The following STK33 variants were observed in gnomAD, a reference collection of about 807,000 sequenced individuals.
The protein encoded by STK33 is serine/threonine kinase 33.
In STK33, 52 loss-of-function variants were observed where a neutral mutation model predicts 58.0. The observed-to-expected ratio is 0.90, with a 90% CI of 0.72 to 1.13. The LOEUF is 1.13. Ranked by LOEUF, STK33 falls within the 50% of genes most tolerant of loss-of-function variation. The probability of loss-of-function intolerance (pLI) is 0.00; values close to 1 mark genes in which losing one functional copy is unlikely to be tolerated. For missense variants in STK33, 630 were observed against 604.2 expected (o/e 1.04, Z -0.45); for synonymous variants, 215 against 200.1 (o/e 1.07, Z -0.63).
intron 11 of STK33, among the ~76,000 whole-genome samples, chr11:8,444,370 A>G (rs1387971946): frequency 6.6e-6 from 1 of 152,172 alleles, no homozygotes; most frequent in Non-Finnish European, 1.5e-5. Flanking sequence ...ACTTTGCTCT[A>G]AAACATCAGA....
Position 8,392,465 on chromosome 11 carries a change from A to T in STK33, c.*45T>A. ...CTCCTACCCCCTCATCAAAGTGCTA[A>T]CAAGAGCAGCTTTGTTTTTGTACTG... On this transcript the variant is annotated 3_prime_UTR_variant, in exon 16 of 16. Coordinates refer to ENST00000687296, the MANE Select transcript of STK33 (RefSeq NM_001352389.2). The T allele has an allele frequency of 1.2e-6, 2 of 1,608,990 alleles. No individual in the cohort carries two copies. Among genetic ancestry groups the T allele is most frequent in the Non-Finnish European group, 1.7e-6 (2 of 1,177,094 alleles).
At chr11:8,531,896 T>A (rs1022387046) in intron 1 of STK33, among the ~76,000 whole-genome samples, 1 of 152,162 alleles carries the variant, frequency 6.6e-6, no homozygotes, top group Admixed American at 6.5e-5. Flanking sequence ...TCTAGCAAAA[T>A]GTAAATTCCC....
chr11:8,367,788 G>T, the STK33 span, among the ~76,000 whole-genome samples: 1 of 152,080 alleles, frequency 6.6e-6, no homozygotes, highest in Admixed American at 6.5e-5. Flanking sequence ...TGGTATAGTC[G>T]GGATTTGAAC....
At chr11:8,570,813 T>G (rs775845744) in intron 1 of STK33, among the ~76,000 whole-genome samples, 1 of 152,120 alleles carries the variant, frequency 6.6e-6, no homozygotes, top group Admixed American at 6.5e-5. Context: ...GATGTGCACA[T>G]ATATAAAAAT....
At chr11:8,428,975 C>CT (rs942195460) in intron 14 of STK33, among the ~76,000 whole-genome samples, 3 of 151,792 alleles carry the variant, frequency 2.0e-5, no homozygotes, top group East Asian at 3.8e-4. Flanking sequence ...TAAATTTGAA[C>CT]TTTTTTTGTA....
intron 6 of STK33, chr11:8,465,058 G>A: frequency 3.4e-6 from 1 of 295,348 alleles, no homozygotes; most frequent in Admixed American, 4.8e-5. Flanking sequence ...AAATCCTAAT[G>A]GTGAAATGTG....
chr11:8,524,443 A>G (rs1953852914), intron 1 of STK33, among the ~76,000 whole-genome samples: 1 of 152,212 alleles, frequency 6.6e-6, no homozygotes, highest in Non-Finnish European at 1.5e-5. Flanking sequence ...AAATAATCTG[A>G]TTTTTAAACA....
chr11:8,548,995 A>C (rs1276757832), intron 1 of STK33, among the ~76,000 whole-genome samples: 1 of 152,192 alleles, frequency 6.6e-6, no homozygotes, highest in Non-Finnish European at 1.5e-5. Context: ...CAAATTGGAA[A>C]GGAGAAAGCC....
At chr11:8,548,151 T>C (rs1956072955) in intron 1 of STK33, among the ~76,000 whole-genome samples, 1 of 150,902 alleles carries the variant, frequency 6.6e-6, no homozygotes, top group Non-Finnish European at 1.5e-5. Flanking sequence ...CCCTAGAACT[T>C]AAAGTATAAT....
intron 7 of STK33, among the ~76,000 whole-genome samples, chr11:8,464,051 A>C (rs1947878164): frequency 6.6e-6 from 1 of 152,234 alleles, no homozygotes; most frequent in African/African-American, 2.4e-5. Context: ...TTATCATCAC[A>C]AATCCTAGGG....
At chr11:8,491,934 C>A (rs557356635) in intron 1 of STK33, among the ~76,000 whole-genome samples, 1 of 152,104 alleles carries the variant, frequency 6.6e-6, no homozygotes, top group South Asian at 2.1e-4. Flanking sequence ...TAAAAGAGCT[C>A]CTGAAGGAAG....
chr11:8,371,896 A>AT, the STK33 span, among the ~76,000 whole-genome samples: 1 of 51,662 alleles, frequency 1.9e-5, no homozygotes, highest in African/African-American at 7.5e-5. Context: ...CTTTATTTTT[A>AT]TTTTTTTGAG....
Position 8,451,837 on chromosome 11 carries a change from G to A in STK33, c.871+985C>T, listed in dbSNP as rs369329856. Among the ~76,000 whole-genome samples the A allele has an allele frequency of 2.0e-5, 3 of 152,210 alleles. No individual in the cohort carries two copies. In the East Asian group the frequency reaches 5.8e-4, roughly 29 times the overall value. The stretch of plus-strand genomic sequence containing the variant: ...CTCACATTTAGAAAAATAGGAAACT[G>A]CTGCTTTCTTTACAAAATATATCTA... On this transcript the variant is annotated intron_variant, in intron 11 of 15. Transcript: ENST00000687296.
At chr11:8,550,169 T>C (rs1447430145) in intron 1 of STK33, among the ~76,000 whole-genome samples, 1 of 152,228 alleles carries the variant, frequency 6.6e-6, no homozygotes, top group Non-Finnish European at 1.5e-5. Flanking sequence ...TATTATTTTA[T>C]GATAGTAATA....
intron 14 of STK33, among the ~76,000 whole-genome samples, chr11:8,435,110 C>T (rs1410300990): frequency 1.3e-5 from 2 of 152,076 alleles, no homozygotes; most frequent in East Asian, 3.9e-4. Context: ...TTTCTGAGTC[C>T]CCAAAGATTT....
chr11:8,398,278 C>A (rs1228666688), intron 15 of STK33, among the ~76,000 whole-genome samples: 1 of 152,224 alleles, frequency 6.6e-6, no homozygotes, highest in African/African-American at 2.4e-5. Context: ...AGAAACTCTA[C>A]AAGCCAGAAG....
At chr11:8,339,827 G>A in the STK33 span, among the ~76,000 whole-genome samples, 1 of 152,174 alleles carries the variant, frequency 6.6e-6, no homozygotes, top group Non-Finnish European at 1.5e-5. Context: ...ACCTCTTCCC[G>A]GGTCTCCTTT....
chr11:8,383,015 A>C, the STK33 span, among the ~76,000 whole-genome samples: 1 of 152,218 alleles, frequency 6.6e-6, no homozygotes, highest in East Asian at 1.9e-4. Flanking sequence ...TTGTCATTAA[A>C]GCCTGTCCTG....
intron 1 of STK33, among the ~76,000 whole-genome samples, chr11:8,517,154 A>T (rs1389745724): frequency 2.6e-5 from 4 of 152,234 alleles, no homozygotes; most frequent in Non-Finnish European, 2.9e-5. Flanking sequence ...AGGGTCAGGC[A>T]GCAACATCTG....
Sources: allele counts gnomAD v4.1 joint callset (sites outside exome capture counted in the v4.1 genomes callset), GRCh38; gene constraint gnomAD v4.1.1; transcripts MANE v1.5; gene names NCBI Gene and HGNC (gene_info 2026-07-23, HGNC 2026-07-21).